The following TMEM140 variants were observed in gnomAD, a reference collection of about 807,000 sequenced individuals.
TMEM140 encodes transmembrane protein 140.
For missense variants in TMEM140, 236 were observed against 228.5 expected, an observed-to-expected ratio of 1.03 and a Z score of -0.21; for synonymous variants, 107 against 106.8, an observed-to-expected ratio of 1.00 and a Z score of -0.01.
In TMEM140 at chr7:135,164,723, CCT is replaced by C. The variant is rs1200867163; in HGVS notation, c.285_286del (p.Phe96CysfsTer13). 6.2e-7 allele frequency: 1 copy of C among 1,614,236 alleles called. No homozygotes were observed. The highest frequency in any genetic ancestry group is 1.7e-5 in the Admixed American group (1 of 60,034). ...GCGTGTACGGGTCCCTGGTCCTCACCCTCTTTGCCCCCCAGCCTCTCCTCCTA... is the reference window on the plus strand; with the variant it reads ...GCGTGTACGGGTCCCTGGTCCTCACCCTTTGCCCCCCAGCCTCTCCTCCTA... ...LGVYGSLVLT[L>X]FAPQPLLLAQ... On this transcript the variant is annotated frameshift_variant, in exon 2 of 2. Transcript: ENST00000275767. LOFTEE classifies it low-confidence loss of function (END_TRUNC).
intron 1 of TMEM140, among the ~76,000 whole-genome samples, chr7:135,158,823 A>G (rs2117452215): frequency 6.6e-6 from 1 of 152,340 alleles, no homozygotes; most frequent in East Asian, 1.9e-4. Flanking sequence ...TCCTTGAAGC[A>G]GCTCGGCAGC....
chr7:135,163,935 C>G (rs898217193), intron 1 of TMEM140, among the ~76,000 whole-genome samples: 1 of 152,206 alleles, frequency 6.6e-6, no homozygotes, highest in South Asian at 2.1e-4. Flanking sequence ...ATCTGTGGCC[C>G]AGCAATGGGT....
chr7:135,153,776 C>A (rs994063414), intron 1 of TMEM140, among the ~76,000 whole-genome samples: 1 of 152,178 alleles, frequency 6.6e-6, no homozygotes, highest in Non-Finnish European at 1.5e-5. Flanking sequence ...CATCTACGTT[C>A]ACAGGGATAT....
chr7:135,155,260 GATC>G (rs2117439767), intron 1 of TMEM140, among the ~76,000 whole-genome samples: 1 of 152,258 alleles, frequency 6.6e-6, no homozygotes, highest in Admixed American at 6.5e-5. Flanking sequence ...AAGCAGCATG[GATC>G]ATGTTTTTTC....
chr7:135,163,124 G>A (rs537359724), intron 1 of TMEM140, among the ~76,000 whole-genome samples: 17 of 152,318 alleles, frequency 1.1e-4, no homozygotes, highest in African/African-American at 3.8e-4. Context: ...TAGTAATAGT[G>A]TAATGGATGA....
Position 135,148,203 on chromosome 7 carries a change from A to G in TMEM140, c.-92A>G, listed in dbSNP as rs1395048007. On this transcript the variant is annotated 5_prime_UTR_variant, in exon 1 of 2. Coordinates refer to ENST00000275767, the MANE Select transcript of TMEM140 (RefSeq NM_018295.5). Reference sequence around the variant, plus strand: ...GAAAGCCAGCGAGAAGGAAGATTCAAACAACCAACCCTGATTTCCTGCTTC... The same window carrying G: ...GAAAGCCAGCGAGAAGGAAGATTCAGACAACCAACCCTGATTTCCTGCTTC... 2 of 431,872 alleles carry G rather than the reference A, an allele frequency of 4.6e-6. No individual in the cohort carries two copies. Among genetic ancestry groups the G allele is most frequent in the Admixed American group, 5.9e-5 (2 of 33,984 alleles). The allele number at this position is 431,872 out of a possible 1,614,324, so 26.8% of individuals were successfully genotyped here.
chr7:135,161,442 G>C lies in TMEM140; in HGVS notation c.-24-2976G>C, dbSNP rs1829935568. Among the ~76,000 whole-genome samples, 1 of 152,176 alleles carries C rather than the reference G, an allele frequency of 6.6e-6. No homozygotes were observed. The highest frequency in any genetic ancestry group is 2.1e-4 in the South Asian group (1 of 4,828). ...CCTTCCCAGTTGGTCCTGAACAATG[G>C]AGGAGGTCAAACCTTCTTTTCCACA... On this transcript the variant is annotated intron_variant, in intron 1 of 1. Transcript: ENST00000275767. The surrounding 1 kb of genome is among the most constrained non-coding windows in gnomAD (Gnocchi z 4.1).
chr7:135,164,632 G>A lies in TMEM140; in HGVS notation c.191G>A (p.Cys64Tyr), dbSNP rs1276346497. 1.2e-6 allele frequency: 2 copies of A among 1,613,628 alleles called. No homozygotes were observed. The highest frequency in any genetic ancestry group is 2.7e-5 in the African/African-American group (2 of 74,940). ...AATGAGGACACCAGCACCCTACAGT[G>A]TCACCAGTTCCCTGAGCTGGAAGCC... is the stretch of plus-strand genomic sequence containing the variant. ...LWNEDTSTLQCHQFPELEALG... is the reference protein window; with the variant it reads ...LWNEDTSTLQYHQFPELEALG... The change falls in exon 2 of 2, where the codon TGT becomes TAT. Residue 64 changes from cysteine (C) to tyrosine (Y), a missense_variant. Cys to Tyr is a radical substitution (Grantham distance 194). Coordinates refer to ENST00000275767, the MANE Select transcript of TMEM140 (RefSeq NM_018295.5).
intron 1 of TMEM140, 137 bp from the exon 2 acceptor site, chr7:135,164,281 T>C (rs2117474572): frequency 1.5e-6 from 1 of 657,844 alleles, no homozygotes; most frequent in East Asian, 2.7e-5. Context: ...CTCAGACTTC[T>C]GGTCCTTGGT....
chr7:135,159,942 T>A (rs1467971238), intron 1 of TMEM140, among the ~76,000 whole-genome samples: 1 of 152,206 alleles, frequency 6.6e-6, no homozygotes, highest in African/African-American at 2.4e-5. Flanking sequence ...GGTGGAAACA[T>A]AAGTTGATTC....
At chr7:135,158,748 G>T (rs1403650499) in intron 1 of TMEM140, among the ~76,000 whole-genome samples, 1 of 152,134 alleles carries the variant, frequency 6.6e-6, no homozygotes, top group African/African-American at 2.4e-5. Flanking sequence ...TGTCTCAATA[G>T]CAGCCCACAG....
intron 1 of TMEM140, among the ~76,000 whole-genome samples, chr7:135,149,010 A>G (rs1829609350): frequency 6.6e-6 from 1 of 152,120 alleles, no homozygotes; most frequent in African/African-American, 2.4e-5. Flanking sequence ...TGATAACTGA[A>G]GAGCATTTTT....
rs1442542300 is a variant in TMEM140 at position 135,164,513 on chromosome 7, C to T, written c.72C>T (p.Val24=). 2 of 1,613,654 alleles carry T rather than the reference C, an allele frequency of 1.2e-6. No individual in the cohort carries two copies. The highest frequency in any genetic ancestry group is 2.2e-5 in the East Asian group (1 of 44,856). The part of the protein sequence containing the change: ...FMSIIVLVIV[V]ICLMFYALLW... ...GCATCATAGTCCTCGTGATTGTGGT[C>T]ATCTGCCTGATGTTTTACGCTCTTC... The change falls in exon 2 of 2, where the codon GTC becomes GTT. Residue 24 remains valine, a synonymous_variant. Transcript: ENST00000275767.
intron 1 of TMEM140, among the ~76,000 whole-genome samples, chr7:135,159,109 T>C (rs1829865478): frequency 1.3e-5 from 2 of 152,212 alleles, no homozygotes; most frequent in South Asian, 4.1e-4. Flanking sequence ...CGACTCTCAG[T>C]CGGTTCCCAG....
intron 1 of TMEM140, among the ~76,000 whole-genome samples, chr7:135,149,194 T>G (rs1189987194): frequency 2.0e-5 from 3 of 152,208 alleles, no homozygotes; most frequent in African/African-American, 7.2e-5. Flanking sequence ...ATTTCTTTTT[T>G]TTTCATAAAT....
In TMEM140 at chr7:135,148,250, T is replaced by C; in HGVS notation, c.-45T>C. On this transcript the variant is annotated 5_prime_UTR_variant, in exon 1 of 2. Transcript: ENST00000275767. Reference sequence around the variant, plus strand: ...CTTCTCCTTTTCATGAGTGTTCCTGTGGTCTCTGCACCTCCTTTCTGTAAG... The same window carrying C: ...CTTCTCCTTTTCATGAGTGTTCCTGCGGTCTCTGCACCTCCTTTCTGTAAG... 7 of 388,430 alleles carry C rather than the reference T, an allele frequency of 1.8e-5. No individual in the cohort carries two copies. Among genetic ancestry groups the C allele is most frequent in the South Asian group, 1.3e-4 (7 of 53,268 alleles). The allele number at this position is 388,430 out of a possible 1,614,324, so 24.1% of individuals were successfully genotyped here.
intron 1 of TMEM140, among the ~76,000 whole-genome samples, chr7:135,154,398 C>T (rs1829737054): frequency 6.6e-6 from 1 of 152,006 alleles, no homozygotes; most frequent in Admixed American, 6.6e-5. Flanking sequence ...TTTCTGCTAA[C>T]TTTGGATTTG....
At position 135,151,804 on chromosome 7, in the gene TMEM140, C is replaced by T. The variant is rs923883907; in HGVS notation, c.-25+3534C>T. On this transcript the variant is annotated intron_variant, in intron 1 of 1. Coordinates refer to ENST00000275767, the MANE Select transcript of TMEM140 (RefSeq NM_018295.5). The surrounding 1 kb of genome is among the most constrained non-coding windows in gnomAD (Gnocchi z 4.3). ...GTCATATGACTAGTGAGTGACAGAA[C>T]GACGACATGCTCCCAGGTCATCTGG... Among the ~76,000 whole-genome samples, 2 of 152,182 alleles carry T rather than the reference C, an allele frequency of 1.3e-5. No individual in the cohort carries two copies. The highest frequency in any genetic ancestry group is 1.3e-4 in the Admixed American group (2 of 15,288).
At chr7:135,163,130 G>C (rs1829989601) in intron 1 of TMEM140, among the ~76,000 whole-genome samples, 1 of 152,148 alleles carries the variant, frequency 6.6e-6, no homozygotes, top group African/African-American at 2.4e-5. Context: ...TAGTGTAATG[G>C]ATGATCCCAC....
Sources: gnomAD v4.1 joint callset for allele counts (sites outside exome capture counted in the v4.1 genomes callset) on GRCh38, gnomAD v4.1.1 for gene constraint, Gnocchi (gnomAD v3.1) non-coding constraint, MANE v1.5 for transcripts, NCBI Gene and HGNC (gene_info 2026-07-23, HGNC 2026-07-21) for gene names.